The following NAALADL2 variants were observed in gnomAD, a reference collection of about 807,000 sequenced individuals.
The protein encoded by NAALADL2 is inactive N-acetylated-alpha-linked acidic dipeptidase-like protein 2.
NAALADL2 carries 76 observed loss-of-function variants against 87.2 expected under a neutral mutation model. The observed-to-expected ratio is 0.87, with a 90% CI of 0.72 to 1.05. The LOEUF is 1.05. Among genes scored for constraint, NAALADL2 ranks in the 50% least tolerant of loss-of-function variants. NAALADL2 has a pLI of 0.00. For synonymous variants in NAALADL2, 354 were observed against 331.0 expected, an observed-to-expected ratio of 1.07 and a Z score of -0.75; for missense variants, 1,089 against 945.8, an observed-to-expected ratio of 1.15 and a Z score of -1.99.
At chr3:174,673,814 C>T (rs947578358) in intron 2 of NAALADL2, among the ~76,000 whole-genome samples, 1 of 151,848 alleles carries the variant, frequency 6.6e-6, no homozygotes. Context: ...TAAAATGTCC[C>T]CAACACAAAG....
At chr3:175,182,654 C>T (rs185674840) in intron 2 of NAALADL2, among the ~76,000 whole-genome samples, 67 of 147,918 alleles carry the variant, frequency 4.5e-4, no homozygotes, top group Non-Finnish European at 8.9e-4. Flanking sequence ...GCCTCAGCCT[C>T]CCAAAGTGCA....
At chr3:174,720,163 T>G (rs2108947854) in intron 2 of NAALADL2, among the ~76,000 whole-genome samples, 1 of 152,328 alleles carries the variant, frequency 6.6e-6, no homozygotes, top group Non-Finnish European at 1.5e-5. Flanking sequence ...ATCCAGTTTT[T>G]ATTTTACGTC....
chr3:174,985,124 G>T (rs997524432), intron 1 of NAALADL2, among the ~76,000 whole-genome samples: 2 of 152,152 alleles, frequency 1.3e-5, no homozygotes, highest in African/African-American at 4.8e-5. Flanking sequence ...AATTTGGAAC[G>T]TAGGGAAAAA....
intron 3 of NAALADL2, among the ~76,000 whole-genome samples, chr3:174,812,039 C>T (rs763961619): frequency 1.3e-5 from 2 of 152,130 alleles, no homozygotes; most frequent in Non-Finnish European, 2.9e-5. Context: ...TGAGTAAAAG[C>T]TCTCTGAGGC....
At chr3:174,946,429 A>G (rs1439224975) in intron 1 of NAALADL2, among the ~76,000 whole-genome samples, 1 of 152,058 alleles carries the variant, frequency 6.6e-6, no homozygotes, top group Non-Finnish European at 1.5e-5. Context: ...CCAAAGTGTA[A>G]TGTTTATGTC....
At chr3:175,227,467 ACT>A (rs1466911142) in intron 2 of NAALADL2, among the ~76,000 whole-genome samples, 1 of 151,898 alleles carries the variant, frequency 6.6e-6, no homozygotes, top group Non-Finnish European at 1.5e-5. Flanking sequence ...ACAGTAAAAC[ACT>A]CTGTCAAATA....
intron 4 of NAALADL2, among the ~76,000 whole-genome samples, chr3:175,319,970 C>G (rs1045302797): frequency 6.6e-6 from 1 of 152,170 alleles, no homozygotes; most frequent in Middle Eastern, 3.2e-3. Flanking sequence ...AATGGTGCTG[C>G]CTTGCTTACT....
intron 11 of NAALADL2, among the ~76,000 whole-genome samples, chr3:175,656,731 G>GTGTGTA (rs1731517878): frequency 6.6e-6 from 1 of 152,010 alleles, no homozygotes; most frequent in African/African-American, 2.4e-5. Context: ...ATGTGTGTGT[G>GTGTGTA]TGTGTGTATG....
At chr3:174,596,281 C>T (rs925213601) in intron 2 of NAALADL2, among the ~76,000 whole-genome samples, 1 of 152,098 alleles carries the variant, frequency 6.6e-6, no homozygotes, top group African/African-American at 2.4e-5. Context: ...CAACAAATTC[C>T]TTAACTTACT....
chr3:175,064,588 G>T (rs1047106645), intron 1 of NAALADL2, among the ~76,000 whole-genome samples: 3 of 152,178 alleles, frequency 2.0e-5, no homozygotes, highest in African/African-American at 7.2e-5. Context: ...TCAACTTTCT[G>T]TGACTTATCA....
chr3:175,532,336 G>A (rs1394201405), intron 9 of NAALADL2, among the ~76,000 whole-genome samples: 1 of 150,634 alleles, frequency 6.6e-6, no homozygotes, highest in African/African-American at 2.5e-5. Flanking sequence ...AAAGGCCTGA[G>A]TTGTCCTTGG....
intron 1 of NAALADL2, among the ~76,000 whole-genome samples, chr3:175,081,744 C>T (rs895502173): frequency 1.3e-5 from 2 of 152,034 alleles, no homozygotes; most frequent in African/African-American, 4.8e-5. Flanking sequence ...AACGATAGAC[C>T]CCACAATTTA....
intron 3 of NAALADL2, among the ~76,000 whole-genome samples, chr3:174,819,356 T>A (rs9810487): frequency 1.3e-5 from 2 of 150,824 alleles, no homozygotes; most frequent in South Asian, 4.2e-4. Flanking sequence ...TGAGCCATTG[T>A]GCGTGGCTAA....
chr3:175,323,942 C>T (rs1312293538), intron 4 of NAALADL2, among the ~76,000 whole-genome samples: 2 of 146,778 alleles, frequency 1.4e-5, no homozygotes, highest in African/African-American at 5.1e-5. Context: ...GGCGTGAACC[C>T]GGGAGGTGGA....
At chr3:174,959,885 C>A (rs1328827680) in intron 1 of NAALADL2, among the ~76,000 whole-genome samples, 1 of 152,008 alleles carries the variant, frequency 6.6e-6, no homozygotes, top group African/African-American at 2.4e-5. Context: ...GAGTTGACAT[C>A]CATTGCTTTT....
intron 1 of NAALADL2, among the ~76,000 whole-genome samples, chr3:175,013,425 G>A (rs1421903839): frequency 6.8e-6 from 1 of 146,712 alleles, no homozygotes; most frequent in Non-Finnish European, 1.5e-5. Context: ...AAGCCTCTCA[G>A]GTAGCTGGGA....
At chr3:175,690,299 C>A (rs1001706685) in intron 11 of NAALADL2, among the ~76,000 whole-genome samples, 1 of 151,882 alleles carries the variant, frequency 6.6e-6, no homozygotes, top group Non-Finnish European at 1.5e-5. Context: ...ATATTCAGGG[C>A]CTTTGTACTG....
intron 1 of NAALADL2, among the ~76,000 whole-genome samples, chr3:175,010,076 G>A (rs1489629572): frequency 6.6e-6 from 1 of 151,608 alleles, no homozygotes; most frequent in African/African-American, 2.4e-5. Flanking sequence ...AAATTGGTGT[G>A]TTTATAATTG....
chr3:174,871,876 G>A (rs111576773), intron 1 of NAALADL2, among the ~76,000 whole-genome samples: 6 of 151,972 alleles, frequency 3.9e-5, no homozygotes, highest in African/African-American at 1.5e-4. Context: ...TCCAGCCGGG[G>A]TGACAGAACC....
Sources: gnomAD v4.1 joint callset for allele counts (sites outside exome capture counted in the v4.1 genomes callset) on GRCh38, gnomAD v4.1.1 for gene constraint, MANE v1.5 for transcripts, NCBI Gene and HGNC (gene_info 2026-07-23, HGNC 2026-07-21) for gene names.